Variants in PAM observed in about 807,000 individuals in gnomAD.
PAM encodes peptidyl-glycine alpha-amidating monooxygenase.
PAM carries 72 observed loss-of-function variants against 122.1 expected under a neutral mutation model. That is an observed-to-expected ratio of 0.59 (90% CI 0.49 to 0.72). The LOEUF is 0.72. Among genes scored for constraint, PAM ranks in the 30% least tolerant of loss-of-function variants. The pLI, the probability that PAM is intolerant of heterozygous loss-of-function variation, is 0.00. For synonymous variants in PAM, 389 were observed against 404.4 expected (o/e 0.96, Z 0.46); for missense variants, 1,106 against 1,183.7 (o/e 0.93, Z 0.96).
chr5:102,969,774 C>T (rs974114810), intron 14 of PAM, among the ~76,000 whole-genome samples: 1 of 152,062 alleles, frequency 6.6e-6, no homozygotes, highest in Non-Finnish European at 1.5e-5. Flanking sequence ...TTCCAGAAGA[C>T]AGTTTTGTAA....
intron 1 of PAM, among the ~76,000 whole-genome samples, chr5:102,834,265 TGA>T: frequency 6.6e-6 from 1 of 152,296 alleles, no homozygotes; most frequent in East Asian, 1.9e-4. Flanking sequence ...AACTTGAACT[TGA>T]GTACAGAACT....
At chr5:103,026,825 A>G (rs1249726935) in intron 24 of PAM, among the ~76,000 whole-genome samples, 2 of 152,222 alleles carry the variant, frequency 1.3e-5, no homozygotes, top group African/African-American at 4.8e-5. Context: ...GAGTAGTAGG[A>G]ACAGTGGGGC....
chr5:102,804,791 C>A (rs1190750092), intron 1 of PAM, among the ~76,000 whole-genome samples: 4 of 152,194 alleles, frequency 2.6e-5, no homozygotes, highest in African/African-American at 9.7e-5. Flanking sequence ...AGAATGGCCG[C>A]TGTAGCTGAC....
intron 1 of PAM, among the ~76,000 whole-genome samples, chr5:102,798,320 G>A (rs1323416916): frequency 6.6e-6 from 1 of 152,208 alleles, no homozygotes; most frequent in Non-Finnish European, 1.5e-5. Context: ...TTTGCCACTG[G>A]ACTATATGAT....
At chr5:102,793,886 AT>A in intron 1 of PAM, among the ~76,000 whole-genome samples, 1 of 152,204 alleles carries the variant, frequency 6.6e-6, no homozygotes, top group East Asian at 1.9e-4. Context: ...TGAAATATGT[AT>A]TGAATATATT....
At chr5:102,795,062 C>T (rs2150033308) in intron 1 of PAM, among the ~76,000 whole-genome samples, 1 of 151,534 alleles carries the variant, frequency 6.6e-6, no homozygotes, top group Non-Finnish European at 1.5e-5. Flanking sequence ...TGGTGGTGGG[C>T]TCTGTTAGTC....
chr5:103,029,097 T>C lies in PAM; in HGVS notation c.*32T>C. ...AGCTTTGATTTAGATTGAGTAAGAT[T>C]TACCCAGAATGTCAGATTCCTTTCC... is the stretch of plus-strand genomic sequence containing the variant. On this transcript the variant is annotated 3_prime_UTR_variant, in exon 26 of 26. Coordinates refer to ENST00000438793, the MANE Select transcript of PAM (RefSeq NM_001177306.2). The C allele has an allele frequency of 1.3e-6, 2 of 1,556,626 alleles. No individual in the cohort carries two copies. The highest frequency in any genetic ancestry group is 1.7e-6 in the Non-Finnish European group (2 of 1,144,624).
intron 3 of PAM, among the ~76,000 whole-genome samples, chr5:102,871,459 A>G (rs1787423451): frequency 6.6e-6 from 1 of 152,016 alleles, no homozygotes; most frequent in African/African-American, 2.4e-5. Flanking sequence ...AAGAAAATAG[A>G]AAGTACAAAC....
chr5:102,933,466 T>C (rs1371568040), intron 7 of PAM, among the ~76,000 whole-genome samples: 2 of 152,262 alleles, frequency 1.3e-5, no homozygotes, highest in Non-Finnish European at 2.9e-5. Flanking sequence ...ATGCTGGCTG[T>C]GATCCACTCG....
At chr5:102,878,909 A>G (rs1320496461) in intron 3 of PAM, among the ~76,000 whole-genome samples, 2 of 151,962 alleles carry the variant, frequency 1.3e-5, no homozygotes, top group Non-Finnish European at 2.9e-5. Context: ...TTATTATTGA[A>G]GAAAGAAAAA....
chr5:102,957,500 A>G (rs1409352309), intron 12 of PAM, among the ~76,000 whole-genome samples: 1 of 151,832 alleles, frequency 6.6e-6, no homozygotes, highest in African/African-American at 2.4e-5. Context: ...TCATATGGTA[A>G]GATTTTTGTT....
At chr5:102,811,103 T>G (rs1342518370) in intron 1 of PAM, among the ~76,000 whole-genome samples, 1 of 152,220 alleles carries the variant, frequency 6.6e-6, no homozygotes, top group Non-Finnish European at 1.5e-5. Context: ...CTAACCAACC[T>G]TTAAACTTAT....
intron 1 of PAM, among the ~76,000 whole-genome samples, chr5:102,758,769 A>G (rs911540721): frequency 1.3e-5 from 2 of 152,238 alleles, no homozygotes; most frequent in Admixed American, 6.5e-5. Context: ...GGTTCTTAGC[A>G]CATTGCCAGT....
Position 102,959,939 on chromosome 5 carries a change from G to T in PAM, c.970G>T (p.Val324Phe). The change falls in exon 13 of 26, where the codon GTT (valine) becomes TTT (phenylalanine). Residue 324 changes from valine to phenylalanine, a missense_variant. By Grantham distance (50) the Val-to-Phe change is conservative (BLOSUM62 -1). This residue lies in a region of PAM where 670 missense variants were observed against 690.3 expected (regional missense o/e 0.97). Transcript: ENST00000438793. The part of the protein sequence containing the change: ...IMYYMEAKHA[V>F]SFMTCTQNVA... ...GTATTACATGGAAGCCAAGCATGCA[G>T]TTTCTTTCATGACCTGTACCCAGAA... The T allele has an allele frequency of 6.2e-7, 1 of 1,612,250 alleles. No homozygotes were observed. Among genetic ancestry groups the T allele is most frequent in the Non-Finnish European group, 8.5e-7 (1 of 1,178,534 alleles).
chr5:103,024,009 A>C (rs897854151), intron 23 of PAM, among the ~76,000 whole-genome samples: 1 of 152,062 alleles, frequency 6.6e-6, no homozygotes, highest in African/African-American at 2.4e-5. Context: ...ACATTAACCA[A>C]AGATTTTCCT....
chr5:102,937,723 A>G (rs1753750812), intron 7 of PAM, among the ~76,000 whole-genome samples: 1 of 152,116 alleles, frequency 6.6e-6, no homozygotes, highest in Non-Finnish European at 1.5e-5. Flanking sequence ...TGACTTGCCT[A>G]AGGTAGTCCA....
chr5:102,835,324 ATTTGTGGAGAAGAGGTT>A (rs1490107710), intron 1 of PAM, among the ~76,000 whole-genome samples: 2 of 152,100 alleles, frequency 1.3e-5, no homozygotes, highest in Non-Finnish European at 2.9e-5. Context: ...ATAACCTTGT[ATTTGTGGAGAAGAGGTT>A]TTGGGTACAC....
chr5:102,946,827 G>C lies in PAM; in HGVS notation c.527-10G>C. The C allele has an allele frequency of 1.9e-6, 3 of 1,546,340 alleles. No homozygotes were observed. Among genetic ancestry groups the C allele is most frequent in the Non-Finnish European group, 2.7e-6 (3 of 1,120,248 alleles). ...ATATTTAAGATATGTGTTTCTATGT[G>C]TGTTTTCAGATAATAACAAGGACTG... On this transcript the variant is annotated splice_polypyrimidine_tract_variant and intron_variant, in intron 7 of 25. Transcript: ENST00000438793.
chr5:103,003,347 A>T lies in PAM; in HGVS notation c.1730+198A>T, dbSNP rs60586972. ...ATATTAGAATCATCTGGGAAGCTTC[A>T]AAATATTTAGATTCACTTATCTGTT... On this transcript the variant is annotated intron_variant, in intron 17 of 25. Transcript: ENST00000438793. 4.8e-3 allele frequency among the ~76,000 whole-genome samples: 729 copies of T among 152,294 alleles called. 9 individuals carry two copies. Among genetic ancestry groups the T allele is most frequent in the African/African-American group, 0.017 (709 of 41,570 alleles).
Sources: allele counts gnomAD v4.1 joint callset (sites outside exome capture counted in the v4.1 genomes callset), GRCh38; gene constraint gnomAD v4.1.1; regional missense constraint gnomAD v4.1.1; transcripts MANE v1.5; gene names NCBI Gene and HGNC (gene_info 2026-07-23, HGNC 2026-07-21).